GRM8: variants seen among roughly 807,000 people sequenced by gnomAD.
The protein encoded by GRM8 is glutamate metabotropic receptor 8.
In GRM8, 47 loss-of-function variants were observed where a neutral mutation model predicts 87.2. The observed-to-expected ratio is 0.54, with a 90% CI of 0.43 to 0.69. GRM8 has a LOEUF of 0.69. Ranked by LOEUF, GRM8 falls within the 30% of genes least tolerant of loss-of-function variation. The pLI is 0.00. For synonymous variants in GRM8, 396 were observed against 404.5 expected, an observed-to-expected ratio of 0.98 and a Z score of 0.25; for missense variants, 1,019 against 1,139.2, an observed-to-expected ratio of 0.89 and a Z score of 1.52.
At chr7:126,806,582 C>A (rs6948359) in intron 6 of GRM8, among the ~76,000 whole-genome samples, 1 of 152,210 alleles carries the variant, frequency 6.6e-6, no homozygotes, top group Non-Finnish European at 1.5e-5. Flanking sequence ...CATTTACAAA[C>A]CTTTGGCTAG....
At chr7:126,828,316 A>C (rs909943329) in intron 6 of GRM8, among the ~76,000 whole-genome samples, 24 of 152,202 alleles carry the variant, frequency 1.6e-4, no homozygotes, top group Non-Finnish European at 2.4e-4. Flanking sequence ...CCTCTGGTAG[A>C]ATTCGGCTGT....
At chr7:126,653,805 A>T (rs1006694821) in intron 7 of GRM8, among the ~76,000 whole-genome samples, 1 of 152,236 alleles carries the variant, frequency 6.6e-6, no homozygotes, top group African/African-American at 2.4e-5. Flanking sequence ...AGCAAACTAT[A>T]TTTCTATTTA....
intron 7 of GRM8, among the ~76,000 whole-genome samples, chr7:126,748,335 A>G (rs555481236): frequency 6.6e-6 from 1 of 152,272 alleles, no homozygotes; most frequent in African/African-American, 2.4e-5. Context: ...ACATACAAAA[A>G]TAAGTTTTTC....
intron 8 of GRM8, among the ~76,000 whole-genome samples, chr7:126,550,829 A>T (rs903518459): frequency 6.6e-6 from 1 of 151,894 alleles, no homozygotes; most frequent in Non-Finnish European, 1.5e-5. Flanking sequence ...ACTTAGAAAC[A>T]GAATAATGGT....
intron 2 of GRM8, among the ~76,000 whole-genome samples, chr7:127,157,692 C>T (rs1792825841): frequency 6.6e-6 from 1 of 152,102 alleles, no homozygotes; most frequent in Non-Finnish European, 1.5e-5. Context: ...TTGGTTGTAA[C>T]TGCAGCCTAA....
intron 6 of GRM8, among the ~76,000 whole-genome samples, chr7:126,888,246 C>T (rs1030271962): frequency 6.6e-6 from 1 of 152,080 alleles, no homozygotes; most frequent in Non-Finnish European, 1.5e-5. Context: ...AAGCTATCAG[C>T]CTGCTTCAGA....
chr7:127,144,686 A>G (rs1376184193), intron 2 of GRM8, among the ~76,000 whole-genome samples: 1 of 152,098 alleles, frequency 6.6e-6, no homozygotes, highest in Non-Finnish European at 1.5e-5. Flanking sequence ...AAAGGTTTTC[A>G]TTATCTTTTA....
At chr7:127,030,862 C>G (rs1015540507) in intron 3 of GRM8, among the ~76,000 whole-genome samples, 21 of 152,198 alleles carry the variant, frequency 1.4e-4, no homozygotes, top group Non-Finnish European at 2.9e-4. Flanking sequence ...TCCCCGACTC[C>G]TCTTTTTCAC....
chr7:126,526,720 T>C (rs1370907918), intron 9 of GRM8, among the ~76,000 whole-genome samples: 1 of 152,172 alleles, frequency 6.6e-6, no homozygotes, highest in Non-Finnish European at 1.5e-5. Context: ...AGGATTAATA[T>C]GTAGCACAAT....
intron 8 of GRM8, among the ~76,000 whole-genome samples, chr7:126,568,274 A>C (rs983910887): frequency 6.6e-6 from 1 of 152,176 alleles, no homozygotes; most frequent in African/African-American, 2.4e-5. Context: ...TGAACATTCA[A>C]GATATCAAAC....
intron 2 of GRM8, chr7:127,229,751 A>G (rs934808588): frequency 2.6e-5 from 4 of 152,140 alleles, no homozygotes; most frequent in Non-Finnish European, 5.9e-5. Flanking sequence ...CAAATCTCAA[A>G]TTTTTACCTT....
At chr7:126,749,462 T>C (rs1357201717) in intron 7 of GRM8, among the ~76,000 whole-genome samples, 2 of 151,712 alleles carry the variant, frequency 1.3e-5, no homozygotes, top group African/African-American at 4.8e-5. Context: ...AAATTAGCCT[T>C]CATCAGAATT....
chr7:126,548,215 G>GAT (rs1162329492), intron 8 of GRM8, among the ~76,000 whole-genome samples: 3 of 152,032 alleles, frequency 2.0e-5, no homozygotes, highest in Non-Finnish European at 2.9e-5. Flanking sequence ...GCCTAATGTA[G>GAT]ATGGCGAGTT....
At chr7:126,941,285 C>A (rs1294963809) in intron 3 of GRM8, among the ~76,000 whole-genome samples, 3 of 151,974 alleles carry the variant, frequency 2.0e-5, no homozygotes, top group Admixed American at 1.3e-4. Context: ...AAAATTAAAT[C>A]CCTTCCTAGA....
intron 7 of GRM8, among the ~76,000 whole-genome samples, chr7:126,647,788 A>G (rs1018690089): frequency 2.5e-4 from 38 of 152,210 alleles, no homozygotes; most frequent in African/African-American, 8.9e-4. Flanking sequence ...TTGAATCACC[A>G]TTATCTCACA....
chr7:126,880,905 C>T (rs542017891), intron 6 of GRM8, among the ~76,000 whole-genome samples: 1 of 152,318 alleles, frequency 6.6e-6, no homozygotes, highest in African/African-American at 2.4e-5. Flanking sequence ...AATGCCTGGT[C>T]TATAAGACTC....
chr7:126,820,605 G>A (rs1390108870), intron 6 of GRM8, among the ~76,000 whole-genome samples: 1 of 152,176 alleles, frequency 6.6e-6, no homozygotes, highest in Non-Finnish European at 1.5e-5. Flanking sequence ...AACCATATGA[G>A]ACAGTAAAAC....
At chr7:126,711,546 T>C (rs1480977894) in intron 7 of GRM8, among the ~76,000 whole-genome samples, 1 of 152,206 alleles carries the variant, frequency 6.6e-6, no homozygotes, top group Non-Finnish European at 1.5e-5. Context: ...TTAAAGTCAC[T>C]AGCTGCATTA....
intron 7 of GRM8, among the ~76,000 whole-genome samples, chr7:126,633,944 T>C (rs13241983): frequency 0.062 from 9,413 of 152,042 alleles, 565 homozygotes; most frequent in East Asian, 0.31. Context: ...ATCACAAGTA[T>C]ATGAAAAAAT....
Sources: allele counts gnomAD v4.1 joint callset (sites outside exome capture counted in the v4.1 genomes callset), GRCh38; gene constraint gnomAD v4.1.1; transcripts MANE v1.5; gene names NCBI Gene and HGNC (gene_info 2026-07-23, HGNC 2026-07-21).